Variants in NHLRC2 observed in about 807,000 individuals in gnomAD.
The protein encoded by NHLRC2 is NHL repeat-containing protein 2.
NHLRC2 carries 33 observed loss-of-function variants against 68.1 expected under a neutral mutation model. The observed-to-expected ratio is 0.48, with a 90% confidence interval of 0.37 to 0.65. The LOEUF is 0.65. Among genes scored for constraint, NHLRC2 ranks in the 30% least tolerant of loss-of-function variants. The pLI is 0.00. For synonymous variants in NHLRC2, 311 were observed against 309.6 expected, an observed-to-expected ratio of 1.00 and a Z score of -0.05; for missense variants, 761 against 853.8, an observed-to-expected ratio of 0.89 and a Z score of 1.35.
intron 10 of NHLRC2, 83 bp from the exon 11 acceptor site, chr10:113,908,197 T>G: frequency 2.0e-6 from 2 of 1,020,942 alleles, no homozygotes. Context: ...TATTTGTCGA[T>G]CGAGTTTATC....
Position 113,910,758 on chromosome 10 carries a change from C to T in NHLRC2, c.*2222C>T, listed in dbSNP as rs1254511899. 6.6e-6 allele frequency: 1 copy of T among 152,038 alleles called. No homozygotes were observed. Among genetic ancestry groups the T allele is most frequent in the Non-Finnish European group, 1.5e-5 (1 of 67,990 alleles). The allele number at this position is 152,038 out of a possible 1,614,324, so 9.4% of individuals were successfully genotyped here. A position where few individuals can be genotyped will look rare whatever the true frequency, so the allele number is the denominator to read the frequency against. ...CAAAGGCATTTTTTAGACTCTATTC[C>T]CCTTCATTTGTCTAGACAGTTTTAG... On this transcript the variant is annotated 3_prime_UTR_variant, in exon 11 of 11. Transcript: ENST00000369301.
chr10:113,857,443 G>C (rs893094736), intron 1 of NHLRC2, among the ~76,000 whole-genome samples: 4 of 152,038 alleles, frequency 2.6e-5, no homozygotes, highest in Non-Finnish European at 5.9e-5. Context: ...ATACTAGTTT[G>C]ATCTGCAGAT....
chr10:113,879,111 T>G (rs1343577240), intron 3 of NHLRC2, among the ~76,000 whole-genome samples: 1 of 152,184 alleles, frequency 6.6e-6, no homozygotes, highest in African/African-American at 2.4e-5. Context: ...GAAGGATTCT[T>G]AATCTGGGGT....
intron 2 of NHLRC2, among the ~76,000 whole-genome samples, chr10:113,876,290 A>G (rs920329588): frequency 6.6e-6 from 1 of 152,130 alleles, no homozygotes; most frequent in Admixed American, 6.5e-5. Context: ...CAATAGCCAT[A>G]TGAATTTGAT....
At chr10:113,875,712 G>A (rs528035743) in intron 2 of NHLRC2, among the ~76,000 whole-genome samples, 2 of 152,280 alleles carry the variant, frequency 1.3e-5, no homozygotes, top group South Asian at 4.1e-4. Context: ...TCTGTGTTTT[G>A]ATTCGGAATT....
intron 1 of NHLRC2, among the ~76,000 whole-genome samples, chr10:113,857,173 C>G (rs1845767821): frequency 6.6e-6 from 1 of 152,014 alleles, no homozygotes; most frequent in African/African-American, 2.4e-5. Flanking sequence ...TTTTATTAAG[C>G]CTGGTAAGTA....
chr10:113,914,991 G>C lies in NHLRC2; in HGVS notation c.*6455G>C, dbSNP rs1411535145. 2.2e-6 allele frequency: 1 copy of C among 456,292 alleles called. No homozygotes were observed. The highest frequency in any genetic ancestry group is 1.5e-5 in the South Asian group (1 of 64,570). 28.3% of individuals were successfully genotyped at this position (456,292 alleles called of 1,614,324 possible). On this transcript the variant is annotated 3_prime_UTR_variant, in exon 11 of 11. Transcript: ENST00000369301. ...AGGCTGCCCCAATCACAGAGCCTGGGTAAGGTGGAACAGGAGGCAGCCCCA... is the reference window on the plus strand; with the variant it reads ...AGGCTGCCCCAATCACAGAGCCTGGCTAAGGTGGAACAGGAGGCAGCCCCA...
intron 2 of NHLRC2, among the ~76,000 whole-genome samples, chr10:113,860,349 C>G (rs17091067): frequency 0.13 from 20,326 of 152,076 alleles, 1,629 homozygotes; most frequent in Non-Finnish European, 0.17. Context: ...TTATAATCTC[C>G]TACTAGTTTA....
intron 2 of NHLRC2, among the ~76,000 whole-genome samples, chr10:113,871,303 C>G (rs991166625): frequency 6.6e-6 from 1 of 152,080 alleles, no homozygotes; most frequent in Non-Finnish European, 1.5e-5. Flanking sequence ...GGATTACAGG[C>G]GTGAGCCACT....
At chr10:113,873,587 C>T (rs1051255081) in intron 2 of NHLRC2, among the ~76,000 whole-genome samples, 9 of 152,100 alleles carry the variant, frequency 5.9e-5, no homozygotes, top group Non-Finnish European at 1.0e-4. Flanking sequence ...GGTGTGTGTG[C>T]GTATGTTCTT....
rs117406362 is a variant in NHLRC2, at chr10:113,905,394, C to T, written c.1924+358C>T. On this transcript the variant is annotated intron_variant, in intron 10 of 10. Transcript: ENST00000369301. Reference sequence around the variant, plus strand: ...AGTCTGAAATAGAGAAAGTGGAGCCCTCGTATTTAACATCTTTTTCTGTGA... The same window carrying T: ...AGTCTGAAATAGAGAAAGTGGAGCCTTCGTATTTAACATCTTTTTCTGTGA... Among the ~76,000 whole-genome samples the T allele has an allele frequency of 3.7e-3, 567 of 152,220 alleles. 3 individuals carry two copies. Among genetic ancestry groups the T allele is most frequent in the Middle Eastern group, 6.8e-3 (2 of 294 alleles).
chr10:113,913,518 G>A lies in NHLRC2; in HGVS notation c.*4982G>A, dbSNP rs1434359897. 6.6e-6 allele frequency: 1 copy of A among 152,134 alleles called. No individual in the cohort carries two copies. The highest frequency in any genetic ancestry group is 1.5e-5 in the Non-Finnish European group (1 of 68,026). 9.4% of individuals were successfully genotyped at this position (152,134 alleles called of 1,614,324 possible). ...TTAAAAAAATAGCTTTCCAGTGTTA[G>A]TTCTCAACAGTGCTGTTTCAAAAGT... On this transcript the variant is annotated 3_prime_UTR_variant, in exon 11 of 11. Transcript: ENST00000369301.
chr10:113,871,621 CTTAGT>C (rs1172244263), intron 2 of NHLRC2, among the ~76,000 whole-genome samples: 5 of 152,200 alleles, frequency 3.3e-5, no homozygotes, highest in African/African-American at 1.2e-4. Flanking sequence ...TGGTTTTATA[CTTAGT>C]TTATTTAATC....
intron 5 of NHLRC2, 56 bp downstream of exon 5, chr10:113,884,436 A>T (rs1208040033): frequency 6.8e-7 from 1 of 1,463,878 alleles, no homozygotes; most frequent in African/African-American, 1.4e-5. Context: ...TGTAAGATTT[A>T]AAAATATTCT....
Position 113,915,679 on chromosome 10 carries a change from A to G in NHLRC2, c.*7143A>G, listed in dbSNP as rs1846376988. ...GAGATAGGGTCTTGCTGTGTTGCCCAGGCTAGAGTGCAGCAGTGACATGAT... is the reference window on the plus strand; with the variant it reads ...GAGATAGGGTCTTGCTGTGTTGCCCGGGCTAGAGTGCAGCAGTGACATGAT... On this transcript the variant is annotated 3_prime_UTR_variant, in exon 11 of 11. Transcript: ENST00000369301. 1 of 207,758 alleles carries G rather than the reference A, an allele frequency of 4.8e-6. No individual in the cohort carries two copies. Among genetic ancestry groups the G allele is most frequent in the South Asian group, 7.8e-5 (1 of 12,900 alleles). The allele number at this position is 207,758 out of a possible 1,614,324, so 12.9% of individuals were successfully genotyped here. A position where few individuals can be genotyped will look rare whatever the true frequency, so the allele number is the denominator to read the frequency against.
At chr10:113,887,292 T>C (rs1846091298) in intron 5 of NHLRC2, among the ~76,000 whole-genome samples, 1 of 152,208 alleles carries the variant, frequency 6.6e-6, no homozygotes, top group Non-Finnish European at 1.5e-5. Flanking sequence ...GAAAATAGTA[T>C]GGAGGTGGCT....
At position 113,913,769 on chromosome 10, in the gene NHLRC2, T is replaced by A. The variant is rs1846350292; in HGVS notation, c.*5233T>A. Reference sequence around the variant, plus strand: ...CCTCCCCATGACTCAAATATTAATATATGCAATTCTGTTACAGTAAAGTTT... The same window carrying A: ...CCTCCCCATGACTCAAATATTAATAAATGCAATTCTGTTACAGTAAAGTTT... On this transcript the variant is annotated 3_prime_UTR_variant, in exon 11 of 11. Transcript: ENST00000369301. 1 of 152,062 alleles carries A rather than the reference T, an allele frequency of 6.6e-6. No homozygotes were observed. The highest frequency in any genetic ancestry group is 2.4e-5 in the African/African-American group (1 of 41,404). 9.4% of individuals were successfully genotyped at this position (152,062 alleles called of 1,614,324 possible).
chr10:113,867,364 C>A (rs1219952549), intron 2 of NHLRC2, among the ~76,000 whole-genome samples: 2 of 152,164 alleles, frequency 1.3e-5, no homozygotes, highest in Admixed American at 1.3e-4. Context: ...GAAAACATTG[C>A]CAATTTATGG....
At chr10:113,887,478 G>A (rs990281725) in intron 5 of NHLRC2, among the ~76,000 whole-genome samples, 4 of 152,052 alleles carry the variant, frequency 2.6e-5, no homozygotes, top group African/African-American at 7.2e-5. Flanking sequence ...TAAAGAAAAT[G>A]TATATCTAAG....
Sources: gnomAD v4.1 joint callset for allele counts (sites outside exome capture counted in the v4.1 genomes callset) on GRCh38, gnomAD v4.1.1 for gene constraint, MANE v1.5 for transcripts, NCBI Gene and HGNC (gene_info 2026-07-23, HGNC 2026-07-21) for gene names.